CLTCL1: variants seen among roughly 807,000 people sequenced by gnomAD.
CLTCL1 encodes the protein clathrin heavy chain like 1, also known as clathrin heavy chain 2.
A neutral mutation model predicts 190.0 loss-of-function variants in CLTCL1; 159 were observed. The ratio of observed to expected loss-of-function variants is 0.84; its 90% CI spans 0.74 to 0.95. The LOEUF is 0.95. Among genes scored for constraint, CLTCL1 ranks in the 40% least tolerant of loss-of-function variants. The pLI, the probability that CLTCL1 is intolerant of heterozygous loss-of-function variation, is 0.00. For synonymous variants in CLTCL1, 752 were observed against 769.6 expected, an observed-to-expected ratio of 0.98 and a Z score of 0.38; for missense variants, 1,878 against 2,033.4, an observed-to-expected ratio of 0.92 and a Z score of 1.47.
intron 1 of CLTCL1, among the ~76,000 whole-genome samples, chr22:19,289,507 C>A (rs2088030295): frequency 6.6e-6 from 1 of 152,134 alleles, no homozygotes; most frequent in Admixed American, 6.5e-5. Flanking sequence ...TACTGTGGAA[C>A]ATAAAAATAA....
chr22:19,185,282 T>C (rs2084275549), intron 29 of CLTCL1, among the ~76,000 whole-genome samples: 1 of 151,788 alleles, frequency 6.6e-6, no homozygotes, highest in African/African-American at 2.4e-5. Flanking sequence ...CAGTCATTCC[T>C]GGCTGACAGC....
At chr22:19,265,398 T>C (rs1555977448) in intron 2 of CLTCL1, among the ~76,000 whole-genome samples, 2 of 152,186 alleles carry the variant, frequency 1.3e-5, no homozygotes, top group Admixed American at 6.5e-5. Context: ...ATGATAAATA[T>C]GTTGGTTAGT....
At chr22:19,219,051 T>C (rs1314723366) in intron 18 of CLTCL1, among the ~76,000 whole-genome samples, 2 of 152,316 alleles carry the variant, frequency 1.3e-5, no homozygotes, top group East Asian at 3.9e-4. Flanking sequence ...GGGCCAACTC[T>C]ATGCCCTTGG....
chr22:19,225,751 A>T (rs2085723058), intron 12 of CLTCL1, 118 bp from the exon 13 acceptor site: 1 of 980,330 alleles, frequency 1.0e-6, no homozygotes, highest in East Asian at 2.6e-5. Flanking sequence ...GAGAATTTCC[A>T]CATAAAGGGG....
intron 29 of CLTCL1, among the ~76,000 whole-genome samples, chr22:19,185,321 A>G (rs1470936317): frequency 3.4e-4 from 44 of 129,772 alleles, no homozygotes; most frequent in African/African-American, 1.0e-3. Flanking sequence ...GCGCTCGGCC[A>G]CTTTCTTTTT....
chr22:19,195,666 A>T (rs2084674138), intron 26 of CLTCL1, among the ~76,000 whole-genome samples: 1 of 152,144 alleles, frequency 6.6e-6, no homozygotes, highest in African/African-American at 2.4e-5. Context: ...GTGGGTCCTG[A>T]GGTTGAACTC....
intron 6 of CLTCL1, among the ~76,000 whole-genome samples, 189 bp from the exon 7 acceptor site, chr22:19,234,895 G>C (rs576624283): frequency 6.6e-6 from 1 of 152,280 alleles, no homozygotes; most frequent in South Asian, 2.1e-4. Context: ...AAACAGAACA[G>C]CATAGGAGTC....
chr22:19,218,020 G>T (rs950619341), intron 18 of CLTCL1, among the ~76,000 whole-genome samples: 3 of 152,138 alleles, frequency 2.0e-5, no homozygotes, highest in Non-Finnish European at 4.4e-5. Context: ...TCATAATGAG[G>T]TTCCACTCCA....
chr22:19,235,992 C>T (rs1601606669), intron 5 of CLTCL1, 123 bp from the exon 6 acceptor site: 4 of 867,642 alleles, frequency 4.6e-6, no homozygotes, highest in Non-Finnish European at 6.9e-6. Context: ...TAGGGTCGTG[C>T]TCTGTCACCC....
At chr22:19,253,409 G>T (rs1277174985) in intron 3 of CLTCL1, among the ~76,000 whole-genome samples, 1 of 152,160 alleles carries the variant, frequency 6.6e-6, no homozygotes, top group African/African-American at 2.4e-5. Flanking sequence ...CATGGGCCAC[G>T]GTCCCTCCCT....
rs1322677279 is a variant in CLTCL1 at position 19,179,532 on chromosome 22, T to G, written c.*458A>C. The G allele has an allele frequency of 6.5e-6, 1 of 152,750 alleles. No individual in the cohort carries two copies. The highest frequency in any genetic ancestry group is 6.5e-5 in the Admixed American group (1 of 15,318). 9.5% of individuals were successfully genotyped at this position (152,750 alleles called of 1,614,324 possible). Reference sequence around the variant, plus strand: ...TGCCAAGAGGCTGAGAGTCCTTTTATGAGGTCCGGTACCTCCAAACAAGAC... The same window carrying G: ...TGCCAAGAGGCTGAGAGTCCTTTTAGGAGGTCCGGTACCTCCAAACAAGAC... On this transcript the variant is annotated 3_prime_UTR_variant, in exon 33 of 33. Transcript: ENST00000427926.
chr22:19,221,975 A>C lies in CLTCL1; in HGVS notation c.2537T>G (p.Val846Gly), dbSNP rs2085586893. 5.0e-6 allele frequency: 8 copies of C among 1,614,012 alleles called. No homozygotes were observed. In the East Asian group the frequency reaches 1.8e-4, roughly 36 times the overall value. The stretch of plus-strand genomic sequence containing the variant: ...CCTATTTCTTTTTTCTACTTCAGCC[A>C]CCAACTCATCAGTAGAGAACTGTCC... ...VRGQFSTDEL[V>G]AEVEKRNRLK... Residue 846 changes from valine (V) to glycine (G), a missense_variant, in exon 16 of 33, where the codon GTG (valine) becomes GGG (glycine). Transcript: ENST00000427926.
chr22:19,277,280 C>G (rs1256591536), intron 1 of CLTCL1, among the ~76,000 whole-genome samples: 3 of 152,130 alleles, frequency 2.0e-5, no homozygotes, highest in Non-Finnish European at 4.4e-5. Context: ...TTCCTGTTAA[C>G]CCACTGAGAC....
chr22:19,249,979 C>A (rs1001625193), intron 3 of CLTCL1: 2 of 359,692 alleles, frequency 5.6e-6, no homozygotes, highest in African/African-American at 2.1e-5. Context: ...ATGGGCCGGG[C>A]GCGGTGGCTC....
At chr22:19,199,368 T>C (rs2084807453) in intron 24 of CLTCL1, among the ~76,000 whole-genome samples, 1 of 152,136 alleles carries the variant, frequency 6.6e-6, no homozygotes, top group Non-Finnish European at 1.5e-5. Context: ...CTGCACACTG[T>C]GGGGAACTAG....
In CLTCL1 at chr22:19,196,592, T is replaced by G; in HGVS notation, c.3938A>C (p.His1313Pro). The G allele has an allele frequency of 6.2e-7, 1 of 1,613,778 alleles. No individual in the cohort carries two copies. The highest frequency in any genetic ancestry group is 8.5e-7 in the Non-Finnish European group (1 of 1,179,792). ...LEAALGLERAHMGMFTELAIL... is the reference protein window; with the variant it reads ...LEAALGLERAPMGMFTELAIL... ...GGCCAGCTCAGTGAACATGCCCATG[T>G]GGGCCCGCTCCAGGCCCAGGGCCGC... is the stretch of plus-strand genomic sequence containing the variant. The change falls in exon 25 of 33, where the codon CAC (histidine) becomes CCC (proline). Residue 1313 changes from histidine to proline, a missense_variant. Transcript: ENST00000427926.
chr22:19,212,953 G>T (rs782110741), intron 19 of CLTCL1, among the ~76,000 whole-genome samples: 1 of 152,160 alleles, frequency 6.6e-6, no homozygotes, highest in Admixed American at 6.5e-5. Flanking sequence ...CCAAAGCACA[G>T]TCCATAAAAG....
rs1445660554 is a variant in CLTCL1, at chr22:19,179,797, G to A, written c.*193C>T. The A allele has an allele frequency of 2.7e-5, 6 of 219,764 alleles. No homozygotes were observed. Among genetic ancestry groups the A allele is most frequent in the Non-Finnish European group, 9.1e-6 (1 of 109,460 alleles). The allele number at this position is 219,764 out of a possible 1,614,324, so 13.6% of individuals were successfully genotyped here. A position where few individuals can be genotyped will look rare whatever the true frequency, so the allele number is the denominator to read the frequency against. On this transcript the variant is annotated 3_prime_UTR_variant, in exon 33 of 33. Coordinates refer to ENST00000427926, the MANE Select transcript of CLTCL1 (RefSeq NM_007098.4). ...TCCAGGTGTCCCTGCCTCCCATTGC[G>A]TCCCCTGTGCTGCTGGAGTGACATG...
At chr22:19,185,326 C>CTTTTTTT (rs58151537) in intron 29 of CLTCL1, among the ~76,000 whole-genome samples, 1 of 143,884 alleles carries the variant, frequency 7.0e-6, no homozygotes. Flanking sequence ...CGGCCACTTT[C>CTTTTTTT]TTTTTTTTTT....
Sources: allele counts gnomAD v4.1 joint callset (sites outside exome capture counted in the v4.1 genomes callset), GRCh38; gene constraint gnomAD v4.1.1; transcripts MANE v1.5; gene names NCBI Gene and HGNC (gene_info 2026-07-23, HGNC 2026-07-21).